Variants in PDSS2 observed in about 807,000 individuals in gnomAD.
The protein encoded by PDSS2 is all trans-polyprenyl-diphosphate synthase PDSS2.
Under a neutral mutation model 44.5 loss-of-function variants are expected in PDSS2, and 31 were observed. That is an observed-to-expected ratio of 0.70 (90% confidence interval 0.52 to 0.94). The LOEUF is 0.94. Among genes scored for constraint, PDSS2 ranks in the 40% least tolerant of loss-of-function variants. The pLI, the probability that PDSS2 is intolerant of heterozygous loss-of-function variation, is 0.00. For synonymous variants in PDSS2, 157 were observed against 180.3 expected, an observed-to-expected ratio of 0.87 and a Z score of 1.03; for missense variants, 452 against 482.2, an observed-to-expected ratio of 0.94 and a Z score of 0.59.
intron 2 of PDSS2, among the ~76,000 whole-genome samples, chr6:107,299,018 G>A (rs1776604939): frequency 6.6e-6 from 1 of 151,788 alleles, no homozygotes; most frequent in Non-Finnish European, 1.5e-5. Flanking sequence ...GCACAGGCCG[G>A]TAGTCCCAGC....
intron 1 of PDSS2, among the ~76,000 whole-genome samples, chr6:107,385,178 G>A (rs747807720): frequency 2.6e-5 from 4 of 151,988 alleles, no homozygotes; most frequent in Non-Finnish European, 5.9e-5. Flanking sequence ...GAACATGACC[G>A]TAATATAGAA....
intron 7 of PDSS2, among the ~76,000 whole-genome samples, chr6:107,155,952 T>C (rs1451847155): frequency 7.2e-6 from 1 of 138,572 alleles, no homozygotes; most frequent in African/African-American, 2.7e-5. Flanking sequence ...TGCAGTGGCA[T>C]GATCTTGTCT....
rs1554256031 is a variant in PDSS2, at chr6:107,225,137, T to TTATA, written c.703-12859_703-12856dup. Among the ~76,000 whole-genome samples the TTATA allele has an allele frequency of 9.7e-3, 605 of 62,160 alleles. 7 individuals are homozygous for TTATA. The highest frequency in any genetic ancestry group is 0.017 in the Middle Eastern group (2 of 118). 40.8% of individuals were successfully genotyped at this position (62,160 alleles called of 152,430 possible). A position where few individuals can be genotyped will look rare whatever the true frequency, so the allele number is the denominator to read the frequency against. ...AGGAAGCTTCACTATATATATATTT[T>TTATA]TATATATATATATATATATATATAT... On this transcript the variant is annotated intron_variant, in intron 4 of 7. Coordinates refer to ENST00000369037, the MANE Select transcript of PDSS2 (RefSeq NM_020381.4).
intron 1 of PDSS2, among the ~76,000 whole-genome samples, chr6:107,428,655 C>A (rs761036881): frequency 6.6e-6 from 1 of 152,072 alleles, no homozygotes; most frequent in Non-Finnish European, 1.5e-5. Flanking sequence ...TAGTGAAACT[C>A]CCCCATCTTT....
At chr6:107,275,567 AG>A (rs1775751293) in intron 2 of PDSS2, among the ~76,000 whole-genome samples, 2 of 152,118 alleles carry the variant, frequency 1.3e-5, no homozygotes, top group African/African-American at 4.8e-5. Flanking sequence ...TCACAGTCAC[AG>A]GCGTTGCATG....
At chr6:107,207,174 A>T (rs890869716) in intron 6 of PDSS2, among the ~76,000 whole-genome samples, 2 of 151,822 alleles carry the variant, frequency 1.3e-5, no homozygotes, top group African/African-American at 4.8e-5. Context: ...TTGTATTTTT[A>T]CTAGAGACGG....
Position 107,304,482 on chromosome 6 carries a change from A to T in PDSS2, c.431+29716T>A, listed in dbSNP as rs1016710141. ...CACCACATAGCATAGAACTTAAAAG[A>T]GCAGATTCTAGAGCCAGGTTGCCTA... On this transcript the variant is annotated intron_variant, in intron 2 of 7. Coordinates refer to ENST00000369037, the MANE Select transcript of PDSS2 (RefSeq NM_020381.4). Among the ~76,000 whole-genome samples the T allele has an allele frequency of 5.9e-5, 9 of 152,350 alleles. No homozygotes were observed. The South Asian group carries it at 1.2e-3, about 21-fold the overall frequency.
chr6:107,188,160 T>C (rs1772240204), intron 7 of PDSS2, among the ~76,000 whole-genome samples: 1 of 152,092 alleles, frequency 6.6e-6, no homozygotes, highest in African/African-American at 2.4e-5. Flanking sequence ...GCAGATCGCT[T>C]TGAGTTCAGG....
intron 4 of PDSS2, among the ~76,000 whole-genome samples, chr6:107,219,632 G>C (rs1773533193): frequency 6.6e-6 from 1 of 152,110 alleles, no homozygotes; most frequent in South Asian, 2.1e-4. Context: ...CTTCTTTGAG[G>C]AGCGCTCTCA....
chr6:107,376,410 C>G (rs1779287182), intron 1 of PDSS2, among the ~76,000 whole-genome samples: 1 of 152,036 alleles, frequency 6.6e-6, no homozygotes, highest in African/African-American at 2.4e-5. Flanking sequence ...AATGTTCTTC[C>G]ATTTGTTTGT....
At chr6:107,165,961 CTGTT>C (rs1381385626) in intron 7 of PDSS2, among the ~76,000 whole-genome samples, 30 of 151,860 alleles carry the variant, frequency 2.0e-4, no homozygotes, top group Non-Finnish European at 3.5e-4. Flanking sequence ...ATTTGGCTCT[CTGTT>C]TGTCTGTTAT....
At chr6:107,330,101 C>T (rs1404126778) in intron 2 of PDSS2, among the ~76,000 whole-genome samples, 2 of 151,966 alleles carry the variant, frequency 1.3e-5, no homozygotes, top group African/African-American at 4.8e-5. Context: ...TCTCATACAT[C>T]TAGTCTGTAT....
chr6:107,236,363 G>A (rs2114758891), intron 4 of PDSS2, among the ~76,000 whole-genome samples: 1 of 152,180 alleles, frequency 6.6e-6, no homozygotes. Context: ...AGCTACTCAG[G>A]AGGCTGAGGC....
intron 1 of PDSS2, among the ~76,000 whole-genome samples, chr6:107,369,891 T>C (rs1779079094): frequency 6.6e-6 from 1 of 151,912 alleles, no homozygotes; most frequent in African/African-American, 2.4e-5. Flanking sequence ...GTAGTCCCAG[T>C]TACTTGGGAG....
At chr6:107,220,465 G>A (rs187897906) in intron 4 of PDSS2, among the ~76,000 whole-genome samples, 4 of 152,022 alleles carry the variant, frequency 2.6e-5, no homozygotes, top group Admixed American at 2.6e-4. Context: ...CTGTCCTCAA[G>A]AAGCTCACAG....
At chr6:107,390,412 A>G (rs923829302) in intron 1 of PDSS2, among the ~76,000 whole-genome samples, 2 of 152,180 alleles carry the variant, frequency 1.3e-5, no homozygotes, top group Admixed American at 6.5e-5. Flanking sequence ...GACACTCCAC[A>G]AAATAGTTGA....
chr6:107,303,202 A>G (rs1167006248), intron 2 of PDSS2, among the ~76,000 whole-genome samples: 1 of 152,178 alleles, frequency 6.6e-6, no homozygotes, highest in African/African-American at 2.4e-5. Flanking sequence ...GGCTCCCTTT[A>G]CAACATCCCA....
At chr6:107,346,061 T>C (rs969549582) in intron 1 of PDSS2, among the ~76,000 whole-genome samples, 1 of 152,232 alleles carries the variant, frequency 6.6e-6, no homozygotes, top group African/African-American at 2.4e-5. Flanking sequence ...ATTACTATAA[T>C]AGTCGCATCT....
chr6:107,206,342 G>A (rs1254198901), intron 6 of PDSS2, among the ~76,000 whole-genome samples: 2 of 152,202 alleles, frequency 1.3e-5, no homozygotes, highest in East Asian at 3.9e-4. Flanking sequence ...AAAGTGCTGG[G>A]ATTACAGGTG....
Sources: allele counts gnomAD v4.1 joint callset (sites outside exome capture counted in the v4.1 genomes callset), GRCh38; gene constraint gnomAD v4.1.1; transcripts MANE v1.5; gene names NCBI Gene and HGNC (gene_info 2026-07-23, HGNC 2026-07-21).